Variants in STK38 observed in about 807,000 individuals in gnomAD.
The protein encoded by STK38 is serine/threonine kinase 38.
STK38 carries 26 observed loss-of-function variants against 59.0 expected under a neutral mutation model. The ratio of observed to expected loss-of-function variants is 0.44; its 90% CI spans 0.32 to 0.61. STK38 has a LOEUF of 0.61. Ranked by LOEUF, STK38 falls within the 20% of genes least tolerant of loss-of-function variation. STK38 has a pLI of 0.04. For synonymous variants in STK38, 175 were observed against 176.6 expected, an observed-to-expected ratio of 0.99 and a Z score of 0.07; for missense variants, 433 against 566.0, an observed-to-expected ratio of 0.76 and a Z score of 2.38.
intron 5 of STK38, 114 bp downstream of exon 5, chr6:36,521,620 C>T: frequency 1.5e-6 from 1 of 661,260 alleles, no homozygotes; most frequent in Non-Finnish European, 2.3e-6. Flanking sequence ...TATAGTCATA[C>T]ATGACAGAGC....
chr6:36,542,775 G>A (rs1345330345), intron 1 of STK38, among the ~76,000 whole-genome samples: 1 of 151,828 alleles, frequency 6.6e-6, no homozygotes, highest in Non-Finnish European at 1.5e-5. Flanking sequence ...GTGAAACCCC[G>A]TCTCTACTAA....
At chr6:36,528,702 C>T (rs1406425103) in intron 2 of STK38, among the ~76,000 whole-genome samples, 1 of 152,188 alleles carries the variant, frequency 6.6e-6, no homozygotes, top group East Asian at 1.9e-4. Context: ...AAAGTCAAAG[C>T]ATAACATGCT....
In STK38 at chr6:36,494,059, C is replaced by G. The variant is rs986243919; in HGVS notation, c.*1725G>C. ...CTTGCAAAACACACAGGAGTCAACA[C>G]CCCAACTATTTGGTAATACAAAGAG... On this transcript the variant is annotated 3_prime_UTR_variant, in exon 14 of 14. Coordinates refer to ENST00000229812, the MANE Select transcript of STK38 (RefSeq NM_007271.4). 2 of 152,226 alleles carry G rather than the reference C, an allele frequency of 1.3e-5. No individual in the cohort carries two copies. Among genetic ancestry groups the G allele is most frequent in the African/African-American group, 2.4e-5 (1 of 41,438 alleles). The allele number at this position is 152,226 out of a possible 1,614,324, so 9.4% of individuals were successfully genotyped here.
At chr6:36,531,094 G>A (rs1777656877) in intron 2 of STK38, among the ~76,000 whole-genome samples, 1 of 152,162 alleles carries the variant, frequency 6.6e-6, no homozygotes, top group South Asian at 2.1e-4. Context: ...ACATCAGGAG[G>A]TCTGGACTTA....
rs1275017696 is a variant in STK38 at position 36,535,478 on chromosome 6, AAAC to A, written c.131+4591_131+4593del. Among the ~76,000 whole-genome samples, 4 of 152,234 alleles carry A rather than the reference AAAC, an allele frequency of 2.6e-5. No individual in the cohort carries two copies. The East Asian group carries it at 7.7e-4, about 29-fold the overall frequency. On this transcript the variant is annotated intron_variant, in intron 2 of 13. Coordinates refer to ENST00000229812, the MANE Select transcript of STK38 (RefSeq NM_007271.4). ...CACACAAACAAACAAGCAAGCAAAC[AAAC>A]AACAAGAAAAACAGAGATCTGCAAT...
intron 7 of STK38, among the ~76,000 whole-genome samples, chr6:36,513,590 A>G (rs1777166897): frequency 6.6e-6 from 1 of 151,782 alleles, no homozygotes; most frequent in African/African-American, 2.4e-5. Flanking sequence ...TGGGATTATT[A>G]CAGGCGTAAG....
Position 36,497,793 on chromosome 6 carries a change from A to AAG in STK38, c.1158_1159insCT (p.Trp387LeufsTer66). On this transcript the variant is annotated frameshift_variant, in exon 12 of 14. Coordinates refer to ENST00000229812, the MANE Select transcript of STK38 (RefSeq NM_007271.4). LOFTEE classifies it high-confidence loss of function. ...ATATGGATATACCTGATATGTTCCC[A>AAG]GTCAACGCCTTCAAAAAAAGAGTTA... 1 of 1,612,642 alleles carries AAG rather than the reference A, an allele frequency of 6.2e-7. No individual in the cohort carries two copies. The highest frequency in any genetic ancestry group is 1.1e-5 in the South Asian group (1 of 90,982).
chr6:36,527,941 T>C (rs908735759), intron 2 of STK38, among the ~76,000 whole-genome samples: 1 of 101,148 alleles, frequency 9.9e-6, no homozygotes, highest in African/African-American at 4.4e-5. Flanking sequence ...CTACTAAAAA[T>C]ACAAAAAAAA....
chr6:36,502,733 C>T (rs752765501), intron 9 of STK38, among the ~76,000 whole-genome samples: 1 of 152,220 alleles, frequency 6.6e-6, no homozygotes, highest in Non-Finnish European at 1.5e-5. Context: ...TCCTCCTCGT[C>T]TCTCCTGCTT....
intron 7 of STK38, among the ~76,000 whole-genome samples, chr6:36,513,848 TAA>T (rs1178706954): frequency 1.9e-4 from 12 of 63,836 alleles, no homozygotes; most frequent in South Asian, 4.8e-4. Context: ...TACTAAAAAT[TAA>T]AAAAAAAAAA....
intron 5 of STK38, among the ~76,000 whole-genome samples, chr6:36,520,406 C>G: frequency 6.6e-6 from 1 of 152,172 alleles, no homozygotes; most frequent in East Asian, 1.9e-4. Flanking sequence ...CATAAAATTA[C>G]TAACTGAAAA....
At chr6:36,505,543 C>T (rs77808456) in intron 9 of STK38, among the ~76,000 whole-genome samples, 8,758 of 152,208 alleles carry the variant, frequency 0.058, 341 homozygotes, top group South Asian at 0.14. Flanking sequence ...CTATTAGTGA[C>T]CTACTAAGAG....
intron 2 of STK38, among the ~76,000 whole-genome samples, chr6:36,535,917 C>T (rs1264229751): frequency 5.3e-5 from 8 of 150,872 alleles, no homozygotes; most frequent in Non-Finnish European, 1.2e-4. Context: ...TTGGGCTTTT[C>T]CGTAGAAATT....
At chr6:36,536,589 A>G (rs532383177) in intron 2 of STK38, among the ~76,000 whole-genome samples, 1 of 152,070 alleles carries the variant, frequency 6.6e-6, no homozygotes, top group Non-Finnish European at 1.5e-5. Flanking sequence ...GCTGGAGTTC[A>G]GTGGTGTGAT....
intron 11 of STK38, 95 bp downstream of exon 11, chr6:36,498,268 G>A (rs1776753699): frequency 1.4e-6 from 2 of 1,479,876 alleles, no homozygotes; most frequent in Non-Finnish European, 1.8e-6. Flanking sequence ...GGAGGAAACA[G>A]AAAGCAGATT....
At chr6:36,528,479 T>C (rs1268949611) in intron 2 of STK38, among the ~76,000 whole-genome samples, 2 of 152,126 alleles carry the variant, frequency 1.3e-5, no homozygotes, top group Non-Finnish European at 2.9e-5. Context: ...AACCTTAGAA[T>C]TTCCTGTCTA....
rs763538997 is a variant in STK38 at position 36,525,653 on chromosome 6, C to T, written c.132-11G>A. ...TCTAACTTCTTTTGTCTAAAACAAA[C>T]AAAAACAAAAGACATGAAATCACAT... On this transcript the variant is annotated splice_polypyrimidine_tract_variant and intron_variant, in intron 2 of 13. Coordinates refer to ENST00000229812, the MANE Select transcript of STK38 (RefSeq NM_007271.4). 7 of 1,609,836 alleles carry T rather than the reference C, an allele frequency of 4.3e-6. No homozygotes were observed. The highest frequency in any genetic ancestry group is 1.7e-4 in the Middle Eastern group (1 of 6,054).
At chr6:36,529,717 C>A (rs1233849218) in intron 2 of STK38, among the ~76,000 whole-genome samples, 1 of 152,170 alleles carries the variant, frequency 6.6e-6, no homozygotes, top group Non-Finnish European at 1.5e-5. Flanking sequence ...TACACAGCTA[C>A]TTTCTAAATG....
chr6:36,509,776 A>G (rs528475490), intron 7 of STK38, among the ~76,000 whole-genome samples: 82 of 152,082 alleles, frequency 5.4e-4, no homozygotes, highest in African/African-American at 1.8e-3. Flanking sequence ...CTTTCACTGG[A>G]TATCTGTGTC....
Sources: allele counts gnomAD v4.1 joint callset (sites outside exome capture counted in the v4.1 genomes callset), GRCh38; gene constraint gnomAD v4.1.1; transcripts MANE v1.5; gene names NCBI Gene and HGNC (gene_info 2026-07-23, HGNC 2026-07-21).